Variants in ASB7 observed in about 807,000 individuals in gnomAD.
The protein encoded by ASB7 is ankyrin repeat and SOCS box protein 7.
ASB7 carries 4 observed loss-of-function variants against 32.5 expected under a neutral mutation model. That is an observed-to-expected ratio of 0.12 (90% CI 0.06 to 0.28). The LOEUF is 0.28. Ranked by LOEUF, ASB7 falls within the 10% of genes least tolerant of loss-of-function variation. The pLI is 1.00. For missense variants in ASB7, 181 were observed against 407.1 expected, an observed-to-expected ratio of 0.44 and a Z score of 4.78; for synonymous variants, 172 against 155.6, an observed-to-expected ratio of 1.11 and a Z score of -0.78.
rs1204664485 is a variant in ASB7, at chr15:100,629,406, G to A, written c.212-31G>A. 6.4e-7 allele frequency: 1 copy of A among 1,563,036 alleles called. No homozygotes were observed. Among genetic ancestry groups the A allele is most frequent in the East Asian group, 2.2e-5 (1 of 44,456 alleles). On this transcript the variant is annotated intron_variant, in intron 4 of 5. Transcript: ENST00000332783. This position sits in a 1 kb window ranked among gnomAD's most constrained non-coding sequence, Gnocchi z 6.8. ...TGTTTGTTGTTTTGTCTTGGAGTCT[G>A]CTAATACTTTCATTTTGGTTTTAAC...
At chr15:100,646,442 G>A (rs1043158017) in intron 5 of ASB7, 7 of 459,462 alleles carry the variant, frequency 1.5e-5, no homozygotes, top group Admixed American at 6.3e-5. Context: ...GTGTTCTCCC[G>A]TTCCATGTGT....
intron 4 of ASB7, among the ~76,000 whole-genome samples, chr15:100,613,410 A>G (rs1214796263): frequency 6.6e-6 from 1 of 152,242 alleles, no homozygotes; most frequent in Non-Finnish European, 1.5e-5. Context: ...GCATGCTAAC[A>G]CTGAGACTAG....
Position 100,633,746 on chromosome 15 carries a change from G to A in ASB7, c.817+3704G>A, listed in dbSNP as rs779429401. On this transcript the variant is annotated intron_variant, in intron 5 of 5. Transcript: ENST00000332783. The stretch of plus-strand genomic sequence containing the variant: ...ATGGTAGTGAGGACAGACAGCAGTG[G>A]ACATTTTGGAGGTAAATAGCCCCTT... Among the ~76,000 whole-genome samples the A allele has an allele frequency of 1.1e-4, 16 of 152,326 alleles. No individual in the cohort carries two copies. The Middle Eastern group carries it at 0.014, about 130-fold the overall frequency.
chr15:100,619,118 G>A (rs1206495899), intron 4 of ASB7, among the ~76,000 whole-genome samples: 1 of 152,108 alleles, frequency 6.6e-6, no homozygotes, highest in Admixed American at 6.5e-5. Context: ...GTGGGTGGAC[G>A]AGTGCAAGGA....
intron 2 of ASB7, among the ~76,000 whole-genome samples, chr15:100,605,399 G>A (rs1429376839): frequency 2.0e-5 from 3 of 152,144 alleles, no homozygotes; most frequent in Non-Finnish European, 4.4e-5. Context: ...TTATAATCAC[G>A]TAGGGAGAAT....
intron 5 of ASB7, 68 bp from the exon 6 acceptor site, chr15:100,648,255 C>G (rs888989192): frequency 2.7e-5 from 40 of 1,459,674 alleles, no homozygotes; most frequent in Non-Finnish European, 3.5e-5. Flanking sequence ...ATGAACAGTT[C>G]TTTTCAAAAG....
rs1290318084 is a variant in ASB7, at chr15:100,651,455, A to G, written c.*2993A>G. 1 of 152,176 alleles carries G rather than the reference A, an allele frequency of 6.6e-6. No homozygotes were observed. The highest frequency in any genetic ancestry group is 2.4e-5 in the African/African-American group (1 of 41,422). The allele number at this position is 152,176 out of a possible 1,614,324, so 9.4% of individuals were successfully genotyped here. A position where few individuals can be genotyped will look rare whatever the true frequency, so the allele number is the denominator to read the frequency against. On this transcript the variant is annotated 3_prime_UTR_variant, in exon 6 of 6. Transcript: ENST00000332783. Reference sequence around the variant, plus strand: ...GAGGGACTCTAGCATGACTCGTCAGATGCACACCCCAAGAGACAAGAATGT... The same window carrying G: ...GAGGGACTCTAGCATGACTCGTCAGGTGCACACCCCAAGAGACAAGAATGT...
chr15:100,649,006 GATGACATAAATCCAGTATCTCTGCTT>G lies in ASB7; in HGVS notation c.*562_*587del, dbSNP rs1446303709. The G allele has an allele frequency of 6.6e-6, 1 of 152,536 alleles. No homozygotes were observed. The allele number at this position is 152,536 out of a possible 1,614,324, so 9.4% of individuals were successfully genotyped here. A position where few individuals can be genotyped will look rare whatever the true frequency, so the allele number is the denominator to read the frequency against. On this transcript the variant is annotated 3_prime_UTR_variant, in exon 6 of 6. Coordinates refer to ENST00000332783, the MANE Select transcript of ASB7 (RefSeq NM_198243.3). The stretch of plus-strand genomic sequence containing the variant: ...TTTTTCCTAATTAATGTAGCTTTCG[GATGACATAAATCCAGTATCTCTGCTT>G]ATGACATAAATCCAGTACCTCTGCT...
chr15:100,610,466 A>G (rs1237026742), intron 3 of ASB7, among the ~76,000 whole-genome samples: 4 of 150,908 alleles, frequency 2.7e-5, no homozygotes, highest in Non-Finnish European at 5.9e-5. Flanking sequence ...CTGCACTCCA[A>G]CCTGGGTGAC....
chr15:100,617,139 T>C (rs1298103446), intron 4 of ASB7, among the ~76,000 whole-genome samples: 3 of 152,298 alleles, frequency 2.0e-5, no homozygotes, highest in African/African-American at 7.2e-5. Context: ...TGCCACCCCA[T>C]TTTTGGGCCA....
chr15:100,632,019 C>T (rs541641531), intron 5 of ASB7, among the ~76,000 whole-genome samples: 115 of 152,368 alleles, frequency 7.5e-4, no homozygotes, highest in African/African-American at 2.6e-3. Flanking sequence ...CGAGAGGAGC[C>T]GCTGGGCAGG....
At chr15:100,641,766 G>A (rs1053972053) in intron 5 of ASB7, among the ~76,000 whole-genome samples, 1 of 152,212 alleles carries the variant, frequency 6.6e-6, no homozygotes, top group Non-Finnish European at 1.5e-5. Flanking sequence ...GTAACCAGAA[G>A]CAAACATCCT....
rs147022908 is a variant in ASB7 at position 100,646,334 on chromosome 15, C to G, written c.818-1989C>G. 5.1e-3 allele frequency: 1,928 copies of G among 375,928 alleles called. 11 individuals carry two copies. Among genetic ancestry groups the G allele is most frequent in the Non-Finnish European group, 7.8e-3 (1,454 of 186,670 alleles). The allele number at this position is 375,928 out of a possible 1,614,324, so 23.3% of individuals were successfully genotyped here. ...CCAGTCAAGATCCATACCTCTGTCC[C>G]TTGAATTGAACTGGTCCACTCATCA... On this transcript the variant is annotated intron_variant, in intron 5 of 5. Coordinates refer to ENST00000332783, the MANE Select transcript of ASB7 (RefSeq NM_198243.3).
At chr15:100,643,571 C>T (rs1473566337) in intron 5 of ASB7, among the ~76,000 whole-genome samples, 2 of 146,746 alleles carry the variant, frequency 1.4e-5, no homozygotes, top group African/African-American at 2.5e-5. Context: ...CTCACTGCAA[C>T]CTCTGCCTCC....
rs745776390 is a variant in ASB7, at chr15:100,629,926, A to G, written c.701A>G (p.Tyr234Cys). Reference sequence around the variant, plus strand: ...GATGTGCTGTGTGCACGGATGTTATATAATTACGGAGCAGACACGAACACA... The same window carrying G: ...GATGTGCTGTGTGCACGGATGTTATGTAATTACGGAGCAGACACGAACACA... ...RDDVLCARML[Y>C]NYGADTNTRN... is the part of the protein sequence containing the mutation. The change falls in exon 5 of 6, where the codon TAT becomes TGT. Residue 234 changes from tyrosine to cysteine, a missense_variant. Physicochemically the swap from Tyr to Cys is radical, Grantham distance 194. Coordinates refer to ENST00000332783, the MANE Select transcript of ASB7 (RefSeq NM_198243.3). This position sits in a 1 kb window ranked among gnomAD's most constrained non-coding sequence, Gnocchi z 6.8. 1.9e-6 allele frequency: 3 copies of G among 1,614,216 alleles called. No homozygotes were observed. The highest frequency in any genetic ancestry group is 2.2e-5 in the East Asian group (1 of 44,888).
chr15:100,637,797 A>C (rs2141404589), intron 5 of ASB7, among the ~76,000 whole-genome samples: 1 of 152,358 alleles, frequency 6.6e-6, no homozygotes, highest in Middle Eastern at 3.4e-3. Flanking sequence ...GATTTTCTTC[A>C]GGTGCTTCAG....
intron 5 of ASB7, among the ~76,000 whole-genome samples, chr15:100,642,041 G>T (rs1481727848): frequency 6.6e-6 from 1 of 152,158 alleles, no homozygotes; most frequent in Non-Finnish European, 1.5e-5. Context: ...AGGAAATTCT[G>T]CAGACAGGAG....
intron 4 of ASB7, among the ~76,000 whole-genome samples, chr15:100,624,979 TGAGTAA>T (rs1311242164): frequency 2.0e-5 from 3 of 152,218 alleles, no homozygotes; most frequent in Non-Finnish European, 4.4e-5. Context: ...ATCAATAGGC[TGAGTAA>T]TTTGTCACAT....
At chr15:100,611,682 G>T (rs972713993) in intron 3 of ASB7, among the ~76,000 whole-genome samples, 1 of 150,120 alleles carries the variant, frequency 6.7e-6, no homozygotes, top group African/African-American at 2.5e-5. Context: ...GTTTCACTAT[G>T]TTGGCCAGGC....
Sources: allele counts gnomAD v4.1 joint callset (sites outside exome capture counted in the v4.1 genomes callset), GRCh38; gene constraint gnomAD v4.1.1; non-coding constraint Gnocchi (gnomAD v3.1); transcripts MANE v1.5; gene names NCBI Gene and HGNC (gene_info 2026-07-23, HGNC 2026-07-21).